Variants in SMURF2 observed in about 807,000 individuals in gnomAD.
The protein encoded by SMURF2 is SMAD specific E3 ubiquitin protein ligase 2.
In SMURF2, 48 loss-of-function variants were observed where a neutral mutation model predicts 109.6. That is an observed-to-expected ratio of 0.44 (90% CI 0.35 to 0.56). SMURF2 has a LOEUF of 0.56. SMURF2 is among the 20% of genes least tolerant of loss of function. SMURF2 has a pLI of 0.01. For missense variants in SMURF2, 575 were observed against 909.0 expected, an observed-to-expected ratio of 0.63 and a Z score of 4.72; for synonymous variants, 288 against 317.1, an observed-to-expected ratio of 0.91 and a Z score of 0.97.
chr17:64,554,533 A>T (rs1969092191), intron 15 of SMURF2, among the ~76,000 whole-genome samples: 1 of 152,166 alleles, frequency 6.6e-6, no homozygotes, highest in African/African-American at 2.4e-5. Flanking sequence ...GGCCCCAGAC[A>T]GTGACCCCAG....
At chr17:64,658,819 T>C (rs1338178284) in intron 1 of SMURF2, among the ~76,000 whole-genome samples, 1 of 152,226 alleles carries the variant, frequency 6.6e-6, no homozygotes, top group East Asian at 1.9e-4. Flanking sequence ...AGTATAATGA[T>C]ATAGACATTA....
At chr17:64,623,199 T>C (rs1000080779) in intron 1 of SMURF2, among the ~76,000 whole-genome samples, 7 of 152,058 alleles carry the variant, frequency 4.6e-5, no homozygotes, top group African/African-American at 1.4e-4. Flanking sequence ...TAAACATCCA[T>C]AAAGACCCAA....
rs1446202443 is a variant in SMURF2, at chr17:64,621,973, TAATAATAATAATAAA to T, written c.53-15348_53-15334del. On this transcript the variant is annotated intron_variant, in intron 1 of 18. Transcript: ENST00000262435. ...ATCGCAATAATAATAATAATAATAATAATAATAATAATAAAAAAAAGCACTGTAGTGAGCCATCAT... is the reference window on the plus strand; with the variant it reads ...ATCGCAATAATAATAATAATAATAATAAAAAGCACTGTAGTGAGCCATCAT... 6.9e-5 allele frequency among the ~76,000 whole-genome samples: 10 copies of T among 144,092 alleles called. 1 individual carries two copies. In the South Asian group the frequency reaches 1.3e-3, roughly 19 times the overall value. The allele number at this position is 144,092 out of a possible 152,430, so 94.5% of individuals were successfully genotyped here.
intron 1 of SMURF2, among the ~76,000 whole-genome samples, chr17:64,653,460 G>GA (rs201547882): frequency 1.2e-4 from 10 of 80,430 alleles, no homozygotes; most frequent in African/African-American, 3.7e-4. Context: ...GTACAACTTT[G>GA]AAAAAAAAAA....
chr17:64,566,577 T>TG (rs1555685010), intron 10 of SMURF2, among the ~76,000 whole-genome samples: 4 of 108,818 alleles, frequency 3.7e-5, no homozygotes, highest in Admixed American at 1.0e-4. Flanking sequence ...TTTTTTTTTT[T>TG]TTTTTTTTTT....
chr17:64,604,628 GGA>G lies in SMURF2; in HGVS notation c.91+1972_91+1973del, dbSNP rs576480280. Reference sequence around the variant, plus strand: ...TCTTCAAAACCAGAGCAGATGTCTTGGAGAGTGCAGAAGCAGCTGTAAGAGTG... The same window carrying G: ...TCTTCAAAACCAGAGCAGATGTCTTGGAGTGCAGAAGCAGCTGTAAGAGTG... On this transcript the variant is annotated intron_variant, in intron 2 of 18. Coordinates refer to ENST00000262435, the MANE Select transcript of SMURF2 (RefSeq NM_022739.4). 4.6e-3 allele frequency among the ~76,000 whole-genome samples: 703 copies of G among 152,194 alleles called. 6 individuals are homozygous for G. The highest frequency in any genetic ancestry group is 0.017 in the African/African-American group (687 of 41,522).
rs373058910 is a variant in SMURF2, at chr17:64,562,837, T to A, written c.1146A>T (p.Glu382Asp). The change falls in exon 11 of 19, where the codon GAA (glutamate) becomes GAT (aspartate). Residue 382 changes from glutamate to aspartate, a missense_variant. This residue lies in a region of SMURF2 where 361 missense variants were observed against 612.1 expected (regional missense o/e 0.59). Transcript: ENST00000262435. ...LVQKLKILRQELSQQQPQAGH... is the reference protein window; with the variant it reads ...LVQKLKILRQDLSQQQPQAGH... Reference sequence around the variant, plus strand: ...CTGCCTGAGGCTGTTGTTGGGAAAGTTCTTGCCGCAAAATTTTTAGTTTCT... The same window carrying A: ...CTGCCTGAGGCTGTTGTTGGGAAAGATCTTGCCGCAAAATTTTTAGTTTCT... The A allele has an allele frequency of 1.9e-6, 3 of 1,614,172 alleles. No homozygotes were observed. The highest frequency in any genetic ancestry group is 2.5e-6 in the Non-Finnish European group (3 of 1,180,030).
intron 1 of SMURF2, among the ~76,000 whole-genome samples, chr17:64,619,478 C>CAAAAAAA (rs552413988): frequency 4.0e-4 from 14 of 34,868 alleles, no homozygotes; most frequent in Middle Eastern, 0.015. Flanking sequence ...ACTCTTGTCT[C>CAAAAAAA]AAAAAAAAAA....
At chr17:64,632,380 G>A (rs918300878) in intron 1 of SMURF2, among the ~76,000 whole-genome samples, 7 of 152,074 alleles carry the variant, frequency 4.6e-5, no homozygotes, top group Admixed American at 6.6e-5. Flanking sequence ...CCAAAGTGTC[G>A]TGCAATCCAC....
intron 1 of SMURF2, among the ~76,000 whole-genome samples, chr17:64,660,029 C>T (rs571823875): frequency 6.6e-6 from 1 of 152,244 alleles, no homozygotes; most frequent in South Asian, 2.1e-4. Flanking sequence ...ATTCCCCCTT[C>T]CCCTAAAATA....
At chr17:64,550,970 CAT>C (rs1435082524) in intron 16 of SMURF2, among the ~76,000 whole-genome samples, 2 of 151,974 alleles carry the variant, frequency 1.3e-5, no homozygotes, top group East Asian at 1.9e-4. Context: ...AGGGAATAGA[CAT>C]ATATTGGAAG....
In SMURF2 at chr17:64,580,956, A is replaced by T. The variant is rs782079963; in HGVS notation, c.605T>A (p.Leu202His). ...AGTGTTCTCATCAACAAAGCAGCTA[A>T]GAGGTCTGCCAGGGCTAGAATATTC... ...ASEYSSPGRP[L>H]SCFVDENTPI... The change falls in exon 8 of 19, where the codon CTT becomes CAT. Residue 202 changes from leucine (L) to histidine (H), a missense_variant. By Grantham distance (99) the Leu-to-His change is moderately conservative. This residue lies in a region of SMURF2 where 151 missense variants were observed against 178.4 expected (regional missense o/e 0.85). Transcript: ENST00000262435. The T allele has an allele frequency of 6.2e-6, 10 of 1,614,198 alleles. No individual in the cohort carries two copies. The highest frequency in any genetic ancestry group is 8.5e-6 in the Non-Finnish European group (10 of 1,180,024).
chr17:64,612,784 C>A (rs943822455), intron 1 of SMURF2, among the ~76,000 whole-genome samples: 1 of 151,912 alleles, frequency 6.6e-6, no homozygotes, highest in Non-Finnish European at 1.5e-5. Context: ...GAATGTTTAA[C>A]ATTCAGTTTC....
chr17:64,612,649 G>C (rs1970061054), intron 1 of SMURF2, among the ~76,000 whole-genome samples: 1 of 152,068 alleles, frequency 6.6e-6, no homozygotes, highest in Non-Finnish European at 1.5e-5. Context: ...ACTCCAGCCT[G>C]AGCAACAGAG....
chr17:64,563,655 T>C (rs1476881288), intron 10 of SMURF2, among the ~76,000 whole-genome samples: 1 of 152,134 alleles, frequency 6.6e-6, no homozygotes, highest in Non-Finnish European at 1.5e-5. Flanking sequence ...TCCAAAGCCA[T>C]AAAACTTCTA....
intron 9 of SMURF2, among the ~76,000 whole-genome samples, chr17:64,574,885 A>G (rs1555685904): frequency 6.6e-6 from 1 of 152,180 alleles, no homozygotes. Flanking sequence ...TATTCTTTCA[A>G]CATGTAACTC....
intron 11 of SMURF2, 48 bp downstream of exon 11, chr17:64,562,723 G>A: frequency 1.3e-6 from 2 of 1,574,264 alleles, no homozygotes; most frequent in South Asian, 1.1e-5. Context: ...CAAGCAATGG[G>A]TTTCTGGAAA....
At chr17:64,561,282 TG>T (rs1347889652) in intron 12 of SMURF2, among the ~76,000 whole-genome samples, 1 of 152,200 alleles carries the variant, frequency 6.6e-6, no homozygotes, top group African/African-American at 2.4e-5. Flanking sequence ...TGCAGTCTCA[TG>T]GGACTCAGAT....
chr17:64,580,512 C>T (rs565660410), intron 8 of SMURF2, among the ~76,000 whole-genome samples: 5 of 152,296 alleles, frequency 3.3e-5, no homozygotes, highest in East Asian at 3.9e-4. Flanking sequence ...CACTTCATTT[C>T]GTATGCTTCT....
Sources: gnomAD v4.1 joint callset for allele counts (sites outside exome capture counted in the v4.1 genomes callset) on GRCh38, gnomAD v4.1.1 for gene constraint, gnomAD v4.1.1 regional missense constraint, MANE v1.5 for transcripts, NCBI Gene and HGNC (gene_info 2026-07-23, HGNC 2026-07-21) for gene names.